JUP: variants seen among roughly 807,000 people sequenced by gnomAD.
JUP encodes catenin (cadherin-associated protein), gamma 80kDa.
In JUP, 28 loss-of-function variants were observed where a neutral mutation model predicts 71.1. That is an observed-to-expected ratio of 0.39 (90% CI 0.29 to 0.54). The LOEUF is 0.54. Among genes scored for constraint, JUP ranks in the 20% least tolerant of loss-of-function variants. JUP has a pLI of 0.62. For missense variants in JUP, 869 were observed against 1,030.1 expected (o/e 0.84, Z 2.14); for synonymous variants, 401 against 438.9 (o/e 0.91, Z 1.08).
At chr17:41,782,995 G>A (rs2047243067) in intron 1 of JUP, among the ~76,000 whole-genome samples, 2 of 151,888 alleles carry the variant, frequency 1.3e-5, no homozygotes, top group African/African-American at 4.8e-5. Flanking sequence ...TACTCGGGAG[G>A]CTGAGACAGG....
At position 41,762,718 on chromosome 17, in the gene JUP, A is replaced by G. The variant is rs370107685; in HGVS notation, c.1497+265T>C. 3.2e-4 allele frequency among the ~76,000 whole-genome samples: 49 copies of G among 152,266 alleles called. 1 individual carries two copies. The East Asian group carries it at 4.3e-3, about 13-fold the overall frequency. On this transcript the variant is annotated intron_variant, in intron 8 of 13. Transcript: ENST00000393931. ...GCCTGGCCCTGGAACCTGCAATTTA[A>G]TGAAACCACCCAGGGTACTCATGTG...
chr17:41,762,866 T>G, intron 8 of JUP, 117 bp downstream of exon 8: 1 of 776,756 alleles, frequency 1.3e-6, no homozygotes. Flanking sequence ...AGAAATAAAC[T>G]TCTGTCTTAT....
intron 1 of JUP, among the ~76,000 whole-genome samples, chr17:41,774,221 C>A (rs1473621127): frequency 1.4e-5 from 2 of 144,950 alleles, no homozygotes; most frequent in Non-Finnish European, 3.0e-5. Flanking sequence ...ACAGAAGCCA[C>A]AGGATGCCAT....
At chr17:41,764,471 C>T (rs1302513860) in intron 7 of JUP, among the ~76,000 whole-genome samples, 1 of 140,634 alleles carries the variant, frequency 7.1e-6, no homozygotes, top group Admixed American at 7.6e-5. Flanking sequence ...GGAGGCGGAG[C>T]TTGCAGTGAG....
Position 41,767,427 on chromosome 17 carries a change from G to A in JUP, c.861C>T (p.Ile287=), listed in dbSNP as rs782354280. 1 of 1,614,180 alleles carries A rather than the reference G, an allele frequency of 6.2e-7. No individual in the cohort carries two copies. Among genetic ancestry groups the A allele is most frequent in the Non-Finnish European group, 8.5e-7 (1 of 1,180,038 alleles). Residue 287 remains isoleucine (I), a synonymous_variant, in exon 5 of 14, where the codon ATC becomes ATT. Transcript: ENST00000393931. ...CCAGGAGCTGCAGGCAGTCGGTGGT[G>A]ATGGCCAGGAACTTGGGGTTGTTCT... ...LNKNNPKFLA[I]TTDCLQLLAY...
At chr17:41,779,761 G>C (rs935243984) in intron 1 of JUP, among the ~76,000 whole-genome samples, 1 of 151,920 alleles carries the variant, frequency 6.6e-6, no homozygotes, top group East Asian at 1.9e-4. Flanking sequence ...GAACTCCTGG[G>C]CTCAAGCAAT....
chr17:41,772,116 T>G, intron 1 of JUP: 1 of 574,988 alleles, frequency 1.7e-6, no homozygotes, highest in Non-Finnish European at 3.2e-6. Flanking sequence ...CTTGCATCTC[T>G]GACCTCCCAG....
chr17:41,778,143 CTG>C (rs2046973864), intron 1 of JUP, among the ~76,000 whole-genome samples: 1 of 152,208 alleles, frequency 6.6e-6, no homozygotes, highest in Admixed American at 6.5e-5. Flanking sequence ...TCCCAGCTGA[CTG>C]AGGCCCACTC....
intron 4 of JUP, 119 bp downstream of exon 4, chr17:41,768,850 G>A: frequency 1.2e-6 from 1 of 820,310 alleles, no homozygotes; most frequent in Non-Finnish European, 2.0e-6. Flanking sequence ...CGGATGGGGT[G>A]TGCTTCTGCC....
chr17:41,758,802 C>CGCT lies in JUP; in HGVS notation c.1563_1565dup (p.Ala522dup), dbSNP rs1914316480. 1 of 1,611,634 alleles carries CGCT rather than the reference C, an allele frequency of 6.2e-7. No individual in the cohort carries two copies. The highest frequency in any genetic ancestry group is 1.3e-5 in the African/African-American group (1 of 74,916). On this transcript the variant is annotated inframe_insertion, in exon 9 of 14. Transcript: ENST00000393931. ...GCAGTTGGACGAGGCGGGGGATGAC[C>CGCT]GCTGCCTCCTGCAGCGGGGCATGGT...
Position 41,755,782 on chromosome 17 carries a change from T to C in JUP, c.2200A>G (p.Arg734Gly), listed in dbSNP as rs1913599344. ...YPIDTYSDGL[R>G]PPYPTADHML... Reference sequence around the variant, plus strand: ...TGGTCTGCAGTGGGGTACGGGGGCCTGAGGCCGTCGCTGTAGGTGTCGATG... The same window carrying C: ...TGGTCTGCAGTGGGGTACGGGGGCCCGAGGCCGTCGCTGTAGGTGTCGATG... The change falls in exon 14 of 14, where the codon AGG (arginine) becomes GGG (glycine). Residue 734 changes from arginine (R) to glycine (G), a missense_variant. Physicochemically the swap from Arg to Gly is moderately radical, Grantham distance 125 (BLOSUM62 -2). Transcript: ENST00000393931. 1.9e-6 allele frequency: 3 copies of C among 1,611,038 alleles called. No individual in the cohort carries two copies. The highest frequency in any genetic ancestry group is 2.5e-6 in the Non-Finnish European group (3 of 1,178,482).
intron 1 of JUP, among the ~76,000 whole-genome samples, chr17:41,777,011 A>T (rs1455506406): frequency 2.0e-5 from 3 of 152,206 alleles, no homozygotes; most frequent in African/African-American, 7.2e-5. Context: ...TGTCTCAAAA[A>T]AAAAGAAAAA....
intron 12 of JUP, among the ~76,000 whole-genome samples, chr17:41,756,712 C>T (rs9890970): frequency 0.044 from 6,624 of 152,180 alleles, 489 homozygotes; most frequent in African/African-American, 0.15. Flanking sequence ...TCATCCTGGC[C>T]AACATGGCGA....
intron 1 of JUP, among the ~76,000 whole-genome samples, chr17:41,783,498 A>C (rs1237018722): frequency 6.6e-6 from 1 of 151,870 alleles, no homozygotes; most frequent in Non-Finnish European, 1.5e-5. Flanking sequence ...CATGTTGCCC[A>C]GGCTGGTCTG....
At chr17:41,769,907 AT>A (rs11427331) in intron 2 of JUP, among the ~76,000 whole-genome samples, 67 of 147,998 alleles carry the variant, frequency 4.5e-4, no homozygotes, top group East Asian at 6.0e-4. Context: ...CATCAAGGGA[AT>A]TTTTTTTTTT....
intron 1 of JUP, among the ~76,000 whole-genome samples, chr17:41,774,874 G>A (rs533766124): frequency 2.6e-5 from 4 of 151,960 alleles, no homozygotes; most frequent in Admixed American, 1.3e-4. Context: ...AGGCCAAGGC[G>A]GGCAGATCAC....
Position 41,769,241 on chromosome 17 carries a change from A to C in JUP, c.469-34T>G, listed in dbSNP as rs1555605500. 1.9e-6 allele frequency: 3 copies of C among 1,589,772 alleles called. No homozygotes were observed. The South Asian group carries it at 3.3e-5, about 18-fold the overall frequency. On this transcript the variant is annotated intron_variant, in intron 3 of 13. Coordinates refer to ENST00000393931, the MANE Select transcript of JUP (RefSeq NM_002230.4). Reference sequence around the variant, plus strand: ...CAAAGGCAGGGGCGGGGACGTGAGCACTAAGGAGAGGCCGGGATACCCTTC... The same window carrying C: ...CAAAGGCAGGGGCGGGGACGTGAGCCCTAAGGAGAGGCCGGGATACCCTTC...
In JUP at chr17:41,754,948, C is replaced by A; in HGVS notation, c.*796G>T. On this transcript the variant is annotated 3_prime_UTR_variant, in exon 14 of 14. Coordinates refer to ENST00000393931, the MANE Select transcript of JUP (RefSeq NM_002230.4). ...AGCTGGCATCTTCTGGAGCAGGTGA[C>A]TCACTCCATATCTCCTCCCCATCTC... The A allele has an allele frequency of 5.2e-6, 1 of 192,750 alleles. No homozygotes were observed. Among genetic ancestry groups the A allele is most frequent in the Non-Finnish European group, 1.1e-5 (1 of 95,156 alleles). 11.9% of individuals were successfully genotyped at this position (192,750 alleles called of 1,614,324 possible).
At chr17:41,764,589 C>T (rs897216594) in intron 7 of JUP, 124 bp downstream of exon 7, 1 of 689,334 alleles carries the variant, frequency 1.5e-6, no homozygotes, top group South Asian at 1.5e-5. Flanking sequence ...TTTCCAGCCT[C>T]AGTCACAAGG....
Sources: allele counts gnomAD v4.1 joint callset (sites outside exome capture counted in the v4.1 genomes callset), GRCh38; gene constraint gnomAD v4.1.1; transcripts MANE v1.5; gene names NCBI Gene and HGNC (gene_info 2026-07-23, HGNC 2026-07-21).